Variants in KIRREL3 observed in about 807,000 individuals in gnomAD.
The protein encoded by KIRREL3 is kirre like nephrin family adhesion molecule 3, also known as kin of IRRE-like protein 3.
In KIRREL3, 36 loss-of-function variants were observed where a neutral mutation model predicts 89.7. The ratio of observed to expected loss-of-function variants is 0.40; its 90% CI spans 0.31 to 0.53. The LOEUF (loss-of-function observed/expected upper bound fraction) is 0.53, where lower values mean the gene tolerates loss of function less well. Ranked by LOEUF, KIRREL3 falls within the 20% of genes least tolerant of loss-of-function variation. The pLI is 0.49. For synonymous variants in KIRREL3, 445 were observed against 441.4 expected, an observed-to-expected ratio of 1.01 and a Z score of -0.10; for missense variants, 864 against 1,056.6, an observed-to-expected ratio of 0.82 and a Z score of 2.53.
At chr11:126,662,675 G>A (rs140498744) in intron 1 of KIRREL3, among the ~76,000 whole-genome samples, 132 of 152,272 alleles carry the variant, frequency 8.7e-4, no homozygotes, top group African/African-American at 2.9e-3. Flanking sequence ...ATACTGTCAC[G>A]TTGGCAACAC....
intron 1 of KIRREL3, among the ~76,000 whole-genome samples, chr11:126,846,973 T>C (rs10893592): frequency 0.85 from 128,828 of 151,868 alleles, 54,847 homozygotes; most frequent in East Asian, 1. Flanking sequence ...GAGTTTTTCT[T>C]AGAGTGAAAA....
At chr11:126,453,470 A>C (rs1422056404) in intron 7 of KIRREL3, among the ~76,000 whole-genome samples, 1 of 152,270 alleles carries the variant, frequency 6.6e-6, no homozygotes, top group Non-Finnish European at 1.5e-5. Flanking sequence ...GAAGCTATCA[A>C]GATGAATGAA....
chr11:126,963,962 G>A (rs1431804284), intron 1 of KIRREL3, among the ~76,000 whole-genome samples: 6 of 152,150 alleles, frequency 3.9e-5, no homozygotes, highest in East Asian at 1.9e-4. Context: ...GTATTTGAGC[G>A]AGGGGAGGTA....
intron 1 of KIRREL3, among the ~76,000 whole-genome samples, chr11:126,850,380 G>C (rs978853267): frequency 6.6e-6 from 1 of 152,150 alleles, no homozygotes; most frequent in Non-Finnish European, 1.5e-5. Context: ...TCAGACACCT[G>C]CCCTCCCAGT....
At position 126,516,967 on chromosome 11, in the gene KIRREL3, C is replaced by T. The variant is rs942628588; in HGVS notation, c.433+4348G>A. ...TGGCACGTGCCTGTAATCCCAGCTA[C>T]TCAGGAGGCTGGAGCAGGAGGACCC... On this transcript the variant is annotated intron_variant, in intron 4 of 16. Transcript: ENST00000525144. This position sits in a 1 kb window ranked among gnomAD's most constrained non-coding sequence, Gnocchi z 4.9. 5.3e-5 allele frequency among the ~76,000 whole-genome samples: 8 copies of T among 152,124 alleles called. No individual in the cohort carries two copies. The highest frequency in any genetic ancestry group is 1.9e-4 in the African/African-American group (8 of 41,416).
intron 1 of KIRREL3, among the ~76,000 whole-genome samples, chr11:126,823,618 C>A (rs1943300366): frequency 6.6e-6 from 1 of 152,154 alleles, no homozygotes. Context: ...CATGGTTTGT[C>A]ACTGCTAGCA....
chr11:126,942,196 T>C (rs1057453880), intron 1 of KIRREL3, among the ~76,000 whole-genome samples: 3 of 152,196 alleles, frequency 2.0e-5, no homozygotes, highest in Non-Finnish European at 4.4e-5. Context: ...TATTAATCTC[T>C]CTGAGCCTTA....
In KIRREL3 at chr11:126,587,227, G is replaced by A. The variant is rs1370679128; in HGVS notation, c.56-24315C>T. Among the ~76,000 whole-genome samples the A allele has an allele frequency of 2.6e-5, 4 of 152,124 alleles. No homozygotes were observed. Among genetic ancestry groups the A allele is most frequent in the Non-Finnish European group, 5.9e-5 (4 of 68,032 alleles). ...AAGCTGAAACCCGAAGGACAAATAGGGGACAGGGAGATGAAGACGGGGGCT... is the reference window on the plus strand; with the variant it reads ...AAGCTGAAACCCGAAGGACAAATAGAGGACAGGGAGATGAAGACGGGGGCT... On this transcript the variant is annotated intron_variant, in intron 1 of 16. Transcript: ENST00000525144. The surrounding 1 kb of genome is among the most constrained non-coding windows in gnomAD (Gnocchi z 5.2).
chr11:126,583,264 G>A (rs1016534670), intron 1 of KIRREL3, among the ~76,000 whole-genome samples: 5 of 152,148 alleles, frequency 3.3e-5, no homozygotes, highest in Admixed American at 6.5e-5. Context: ...ATATGCCCCC[G>A]CTCTAGGCCT....
chr11:126,822,941 C>T (rs1352736207), intron 1 of KIRREL3, among the ~76,000 whole-genome samples: 1 of 152,156 alleles, frequency 6.6e-6, no homozygotes, highest in Non-Finnish European at 1.5e-5. Flanking sequence ...TCAGGTATAC[C>T]ATATGGATTC....
rs544538678 is a variant in KIRREL3 at position 126,457,507 on chromosome 11, ATG to A, written c.743-1055_743-1054del. Reference sequence around the variant, plus strand: ...TATGTATGTATGTATGCGTGTGTGTATGTGTGTGTGTATGTGTGTGTAGAGCG... The same window carrying A: ...TATGTATGTATGTATGCGTGTGTGTATGTGTGTGTATGTGTGTGTAGAGCG... On this transcript the variant is annotated intron_variant, in intron 6 of 16. Coordinates refer to ENST00000525144, the MANE Select transcript of KIRREL3 (RefSeq NM_032531.4). Among the ~76,000 whole-genome samples, 28 of 149,806 alleles carry A rather than the reference ATG, an allele frequency of 1.9e-4. No individual in the cohort carries two copies. The East Asian group carries it at 5.6e-3, about 30-fold the overall frequency.
In KIRREL3 at chr11:126,522,045, T is replaced by C. The variant is rs1209908237; in HGVS notation, c.284-581A>G. 6.6e-6 allele frequency among the ~76,000 whole-genome samples: 1 copy of C among 152,056 alleles called. No homozygotes were observed. Among genetic ancestry groups the C allele is most frequent in the Non-Finnish European group, 1.5e-5 (1 of 68,028 alleles). Reference sequence around the variant, plus strand: ...AGGCATGAGCCACCATGCCCGGCCATGTAAGGGTCTTGTTGGTTTCAAGTT... The same window carrying C: ...AGGCATGAGCCACCATGCCCGGCCACGTAAGGGTCTTGTTGGTTTCAAGTT... On this transcript the variant is annotated intron_variant, in intron 3 of 16. Transcript: ENST00000525144. This position sits in a 1 kb window ranked among gnomAD's most constrained non-coding sequence, Gnocchi z 6.0.
Position 126,495,702 on chromosome 11 carries a change from CAG to C in KIRREL3, c.434-22238_434-22237del, listed in dbSNP as rs1957637787. ...AGGACCATGGAGGAGGAGGGGCACT[CAG>C]AGATTCACCTGCCCTCTCTGAGCCC... On this transcript the variant is annotated intron_variant, in intron 4 of 16. Transcript: ENST00000525144. The surrounding 1 kb of genome is among the most constrained non-coding windows in gnomAD (Gnocchi z 6.5). Among the ~76,000 whole-genome samples the C allele has an allele frequency of 6.6e-6, 1 of 152,134 alleles. No individual in the cohort carries two copies. Among genetic ancestry groups the C allele is most frequent in the African/African-American group, 2.4e-5 (1 of 41,406 alleles).
chr11:126,604,479 C>T (rs997360399), intron 1 of KIRREL3, among the ~76,000 whole-genome samples: 7 of 152,234 alleles, frequency 4.6e-5, no homozygotes, highest in African/African-American at 1.7e-4. Flanking sequence ...GTCTTCACCA[C>T]AGCCCTACAG....
Position 126,773,952 on chromosome 11 carries a change from T to C in KIRREL3, c.56-211040A>G, listed in dbSNP as rs111238560. Among the ~76,000 whole-genome samples, 371 of 152,230 alleles carry C rather than the reference T, an allele frequency of 2.4e-3. No homozygotes were observed. Among genetic ancestry groups the C allele is most frequent in the South Asian group, 5.8e-3 (28 of 4,818 alleles). On this transcript the variant is annotated intron_variant, in intron 1 of 16. Transcript: ENST00000525144. This position sits in a 1 kb window ranked among gnomAD's most constrained non-coding sequence, Gnocchi z 4.2. The stretch of plus-strand genomic sequence containing the variant: ...CTTAACTCTTTTTTACTATTGAATA[T>C]CTTATCAAATAGGAACAAAGCCAGG...
intron 1 of KIRREL3, among the ~76,000 whole-genome samples, chr11:126,746,885 T>C (rs1036871097): frequency 6.6e-6 from 1 of 152,182 alleles, no homozygotes; most frequent in African/African-American, 2.4e-5. Context: ...GAGATTCTGG[T>C]TCAGGAGGAA....
rs1041210568 is a variant in KIRREL3 at position 126,955,369 on chromosome 11, A to C, written c.55+45086T>G. Among the ~76,000 whole-genome samples, 2 of 152,172 alleles carry C rather than the reference A, an allele frequency of 1.3e-5. No homozygotes were observed. The highest frequency in any genetic ancestry group is 2.9e-5 in the Non-Finnish European group (2 of 68,028). On this transcript the variant is annotated intron_variant, in intron 1 of 16. Transcript: ENST00000525144. This position sits in a 1 kb window ranked among gnomAD's most constrained non-coding sequence, Gnocchi z 4.6. ...TAATTAATACACTGGGCTCCCTAAC[A>C]AAGGGGAGGAGGTTGGAGAGCATTA...
At chr11:126,452,166 G>T (rs534214213) in intron 7 of KIRREL3, among the ~76,000 whole-genome samples, 1 of 152,282 alleles carries the variant, frequency 6.6e-6, no homozygotes, top group East Asian at 1.9e-4. Context: ...TAATTATTAA[G>T]AACACAATTA....
rs372432073 is a variant in KIRREL3 at position 126,502,490 on chromosome 11, A to C, written c.433+18825T>G. Among the ~76,000 whole-genome samples, 51 of 152,364 alleles carry C rather than the reference A, an allele frequency of 3.3e-4. No homozygotes were observed. The East Asian group carries it at 9.1e-3, about 27-fold the overall frequency. ...AGCCCTGGTTCACAGCGAGTGCTAA[A>C]AACCTCCCTCTGGAGAACCATTTTC... is the stretch of plus-strand genomic sequence containing the variant. On this transcript the variant is annotated intron_variant, in intron 4 of 16. Transcript: ENST00000525144.
Sources: gnomAD v4.1 joint callset for allele counts (sites outside exome capture counted in the v4.1 genomes callset) on GRCh38, gnomAD v4.1.1 for gene constraint, Gnocchi (gnomAD v3.1) non-coding constraint, MANE v1.5 for transcripts, NCBI Gene and HGNC (gene_info 2026-07-23, HGNC 2026-07-21) for gene names.